Variants in FCHO1 observed in about 807,000 individuals in gnomAD.
FCHO1 encodes F-BAR domain only protein 1.
A neutral mutation model predicts 114.4 loss-of-function variants in FCHO1; 45 were observed. The observed-to-expected ratio is 0.39, with a 90% confidence interval of 0.31 to 0.50. The LOEUF is 0.50. Ranked by LOEUF, FCHO1 falls within the 20% of genes least tolerant of loss-of-function variation. FCHO1 has a pLI of 0.77. For missense variants in FCHO1, 1,042 were observed against 1,209.6 expected (o/e 0.86, Z 2.06); for synonymous variants, 480 against 488.9 (o/e 0.98, Z 0.24).
Position 17,784,313 on chromosome 19 carries a change from T to A in FCHO1, c.2226+78T>A. ...AGCCGGCAGCAGACATGGAGGCGCC[T>A]GCGTGTTGGCCAGGCTGGTCTCGAA... On this transcript the variant is annotated intron_variant, in intron 25 of 28. Coordinates refer to ENST00000596536, the MANE Select transcript of FCHO1 (RefSeq NM_015122.3). This position sits in a 1 kb window ranked among gnomAD's most constrained non-coding sequence, Gnocchi z 5.3. 6.6e-7 allele frequency: 1 copy of A among 1,510,306 alleles called. No individual in the cohort carries two copies. The allele number at this position is 1,510,306 out of a possible 1,614,324, so 93.6% of individuals were successfully genotyped here.
chr19:17,778,364 C>T lies in FCHO1; in HGVS notation c.1351+136C>T, dbSNP rs992747451. On this transcript the variant is annotated intron_variant, in intron 19 of 28. Coordinates refer to ENST00000596536, the MANE Select transcript of FCHO1 (RefSeq NM_015122.3). ...CTAGTCCGTGTAGGGGTGGGCGGGG[C>T]CAGAGTGCGCGTGGGAGGGGCCATA... The T allele has an allele frequency of 3.9e-5, 32 of 819,722 alleles. No individual in the cohort carries two copies. In the African/African-American group the frequency reaches 5.0e-4, roughly 13 times the overall value. The allele number at this position is 819,722 out of a possible 1,614,324, so 50.8% of individuals were successfully genotyped here. A position where few individuals can be genotyped will look rare whatever the true frequency, so the allele number is the denominator to read the frequency against.
rs571544126 is a variant in FCHO1, at chr19:17,762,932, A to G, written c.119+79A>G. On this transcript the variant is annotated intron_variant, in intron 5 of 28. Coordinates refer to ENST00000596536, the MANE Select transcript of FCHO1 (RefSeq NM_015122.3). ...CGCCCACCTAATGGCTACGCCCTGC[A>G]TGGTCAGGGGCTAGAACCCTGGGGA... The G allele has an allele frequency of 1.0e-5, 10 of 987,570 alleles. No homozygotes were observed. In the East Asian group the frequency reaches 1.9e-4, roughly 19 times the overall value. 61.2% of individuals were successfully genotyped at this position (987,570 alleles called of 1,614,324 possible). A position where few individuals can be genotyped will look rare whatever the true frequency, so the allele number is the denominator to read the frequency against.
rs190999070 is a variant in FCHO1, at chr19:17,757,981, C to T, written c.27+2790C>T. 1.1e-3 allele frequency among the ~76,000 whole-genome samples: 168 copies of T among 149,872 alleles called. 2 individuals are homozygous for T. The Middle Eastern group carries it at 0.014, about 13-fold the overall frequency. ...CCTGTAATCCCAGCATTTGGGAGGCCGAGGCAGGCGGATCACAAGGTCAGG... is the reference window on the plus strand; with the variant it reads ...CCTGTAATCCCAGCATTTGGGAGGCTGAGGCAGGCGGATCACAAGGTCAGG... On this transcript the variant is annotated intron_variant, in intron 4 of 28. Coordinates refer to ENST00000596536, the MANE Select transcript of FCHO1 (RefSeq NM_015122.3).
intron 6 of FCHO1, 57 bp downstream of exon 6, chr19:17,764,506 C>T: frequency 1.4e-6 from 2 of 1,397,638 alleles, no homozygotes; most frequent in Non-Finnish European, 2.0e-6. Flanking sequence ...CCTTGGTGGA[C>T]ATCTCTTCAC....
rs1295627239 is a variant in FCHO1 at position 17,774,452 on chromosome 19, G to A, written c.894G>A (p.Glu298=). Residue 298 remains glutamate (E), a synonymous_variant, in exon 13 of 29, where the codon GAG becomes GAA. Coordinates refer to ENST00000596536, the MANE Select transcript of FCHO1 (RefSeq NM_015122.3). Reference sequence around the variant, plus strand: ...GCCTTCCAGGACTAAGCCGGCGGGAGCGGGAGCCAGAGCCACCTGCAGCTG... The same window carrying A: ...GCCTTCCAGGACTAAGCCGGCGGGAACGGGAGCCAGAGCCACCTGCAGCTG... ...AFRLPGLSRR[E]REPEPPAAVD... is the part of the protein sequence containing the mutation. 1 of 1,613,318 alleles carries A rather than the reference G, an allele frequency of 6.2e-7. No individual in the cohort carries two copies. The highest frequency in any genetic ancestry group is 8.5e-7 in the Non-Finnish European group (1 of 1,180,002).
chr19:17,779,006 T>G, intron 20 of FCHO1, 122 bp downstream of exon 20: 4 of 1,067,060 alleles, frequency 3.7e-6, no homozygotes, highest in Non-Finnish European at 5.2e-6. Context: ...AGGCAGAACC[T>G]CCCACCGTTG....
chr19:17,754,953 C>G, intron 3 of FCHO1, 165 bp from the exon 4 acceptor site: 1 of 597,478 alleles, frequency 1.7e-6, no homozygotes, highest in Non-Finnish European at 3.0e-6. Context: ...CTACTTGGGA[C>G]CAGCACTGGG....
rs1473282318 is a variant in FCHO1 at position 17,759,226 on chromosome 19, C to CTTTTTTTTTTTTTTTTT, written c.28-3522_28-3521insTTTTTTTTTTTTTTTTT. Among the ~76,000 whole-genome samples, 41 of 105,910 alleles carry CTTTTTTTTTTTTTTTTT rather than the reference C, an allele frequency of 3.9e-4. 3 individuals are homozygous for CTTTTTTTTTTTTTTTTT. The highest frequency in any genetic ancestry group is 5.0e-4 in the Admixed American group (4 of 7,972). The allele number at this position is 105,910 out of a possible 152,430, so 69.5% of individuals were successfully genotyped here. A position where few individuals can be genotyped will look rare whatever the true frequency, so the allele number is the denominator to read the frequency against. ...GTTCCCTCAGACCCCAGCTGATTAC[C>CTTTTTTTTTTTTTTTTT]TTTTTTTTTTTTTTGAGACAGAGTC... On this transcript the variant is annotated intron_variant, in intron 4 of 28. Transcript: ENST00000596536.
chr19:17,787,612 A>G, intron 27 of FCHO1, 70 bp from the exon 28 acceptor site: 6 of 1,480,826 alleles, frequency 4.1e-6, no homozygotes, highest in Non-Finnish European at 5.4e-6. Flanking sequence ...GGTGTGGGCC[A>G]AAGATGAGCC....
chr19:17,786,666 G>GGGGGGGA, intron 27 of FCHO1, 37 bp downstream of exon 27: 1 of 497,000 alleles, frequency 2.0e-6, no homozygotes, highest in South Asian at 1.5e-5. Context: ...GGGTGGGAGG[G>GGGGGGGA]ACTGGGGTCA....
At chr19:17,770,363 T>C in intron 7 of FCHO1, 62 bp from the exon 8 acceptor site, 1 of 1,494,238 alleles carries the variant, frequency 6.7e-7, no homozygotes, top group African/African-American at 1.4e-5. Flanking sequence ...TGACATCACG[T>C]GGAGTGTTTG....
At chr19:17,755,284 T>A in intron 4 of FCHO1, 93 bp downstream of exon 4, 2 of 1,161,156 alleles carry the variant, frequency 1.7e-6, no homozygotes, top group Admixed American at 2.1e-5. Context: ...GGTTACAGCC[T>A]TGGACAGGTA....
chr19:17,776,175 G>A lies in FCHO1; in HGVS notation c.1182+14G>A, dbSNP rs2092606774. On this transcript the variant is annotated intron_variant, in intron 16 of 28. Transcript: ENST00000596536. The surrounding 1 kb of genome is among the most constrained non-coding windows in gnomAD (Gnocchi z 4.4). ...CCTGGCCCAGGGGTGAGGCGTGGGAGGGGTGCCCTGGGTGTTGCTAGAGAG... is the reference window on the plus strand; with the variant it reads ...CCTGGCCCAGGGGTGAGGCGTGGGAAGGGTGCCCTGGGTGTTGCTAGAGAG... 2 of 1,613,870 alleles carry A rather than the reference G, an allele frequency of 1.2e-6. No homozygotes were observed. The highest frequency in any genetic ancestry group is 1.7e-6 in the Non-Finnish European group (2 of 1,179,918).
At position 17,774,389 on chromosome 19, in the gene FCHO1, C is replaced by T. The variant is rs1225729299; in HGVS notation, c.836-5C>T. 6.2e-7 allele frequency: 1 copy of T among 1,613,928 alleles called. No homozygotes were observed. The highest frequency in any genetic ancestry group is 1.7e-5 in the Admixed American group (1 of 60,002). The stretch of plus-strand genomic sequence containing the variant: ...GTGCTCAGGTGCCCCCCAATCTATC[C>T]TCAGCGATGAAACGTTTGCGGGGAG... On this transcript the variant is annotated splice_polypyrimidine_tract_variant and splice_region_variant and intron_variant, in intron 12 of 28. Coordinates refer to ENST00000596536, the MANE Select transcript of FCHO1 (RefSeq NM_015122.3).
At chr19:17,754,501 G>A (rs2082843533) in intron 2 of FCHO1, 91 bp from the exon 3 acceptor site, 1 of 153,848 alleles carries the variant, frequency 6.5e-6, no homozygotes, top group Non-Finnish European at 1.4e-5. Context: ...GAAGATCCCA[G>A]GGGACCCTCA....
chr19:17,774,356 GGCTCACAGT>G, intron 12 of FCHO1, 29 bp from the exon 13 acceptor site: 1 of 1,612,856 alleles, frequency 6.2e-7, no homozygotes, highest in Non-Finnish European at 8.5e-7. Flanking sequence ...TGTGAAAGGA[GGCTCACAGT>G]GCTCAGGTGC....
chr19:17,764,654 C>T (rs2087975592), intron 6 of FCHO1, among the ~76,000 whole-genome samples: 2 of 146,942 alleles, frequency 1.4e-5, no homozygotes, highest in Non-Finnish European at 3.0e-5. Flanking sequence ...GTGTGCCAAG[C>T]ACCAGCAGCA....
At chr19:17,757,556 A>G (rs2084101110) in intron 4 of FCHO1, among the ~76,000 whole-genome samples, 1 of 152,204 alleles carries the variant, frequency 6.6e-6, no homozygotes, top group Non-Finnish European at 1.5e-5. Context: ...CACCAACCCA[A>G]AGTGACCCTG....
At chr19:17,758,498 A>G (rs373245538) in intron 4 of FCHO1, among the ~76,000 whole-genome samples, 3 of 152,206 alleles carry the variant, frequency 2.0e-5, no homozygotes, top group Non-Finnish European at 4.4e-5. Context: ...CAGCAATTCC[A>G]GGCCATGGAC....
Sources: gnomAD v4.1 joint callset for allele counts (sites outside exome capture counted in the v4.1 genomes callset) on GRCh38, gnomAD v4.1.1 for gene constraint, Gnocchi (gnomAD v3.1) non-coding constraint, MANE v1.5 for transcripts, NCBI Gene and HGNC (gene_info 2026-07-23, HGNC 2026-07-21) for gene names.